TTC29: variants seen among roughly 807,000 people sequenced by gnomAD.
TTC29 encodes the protein tetratricopeptide repeat protein 29.
Under a neutral mutation model 58.1 loss-of-function variants are expected in TTC29, and 49 were observed. The ratio of observed to expected loss-of-function variants is 0.84; its 90% CI spans 0.67 to 1.07. TTC29 has a LOEUF of 1.07. Ranked by LOEUF, TTC29 falls within the 50% of genes least tolerant of loss-of-function variation. TTC29 has a pLI of 0.00. For synonymous variants in TTC29, 209 were observed against 196.8 expected, an observed-to-expected ratio of 1.06 and a Z score of -0.52; for missense variants, 582 against 555.6, an observed-to-expected ratio of 1.05 and a Z score of -0.48.
intron 10 of TTC29, among the ~76,000 whole-genome samples, chr4:146,804,589 T>A (rs796780556): frequency 2.6e-5 from 4 of 152,216 alleles, no homozygotes; most frequent in African/African-American, 9.6e-5. Context: ...GTAGGCAGTT[T>A]TCCCCTCACA....
chr4:146,728,786 TATATATACGTATATATACAC>T (rs1744023309), intron 11 of TTC29, among the ~76,000 whole-genome samples: 1 of 132,100 alleles, frequency 7.6e-6, no homozygotes, highest in Non-Finnish European at 1.6e-5. Context: ...TATATATGTG[TATATATACGTATATATACAC>T]ATATATATGT....
At chr4:146,726,649 G>T (rs1263265617) in intron 11 of TTC29, among the ~76,000 whole-genome samples, 1 of 152,058 alleles carries the variant, frequency 6.6e-6, no homozygotes, top group Non-Finnish European at 1.5e-5. Flanking sequence ...CAATGTTAAG[G>T]GGAATCTACT....
At position 146,812,752 on chromosome 4, in the gene TTC29, C is replaced by T. The variant is rs950331693; in HGVS notation, c.1101+7373G>A. On this transcript the variant is annotated intron_variant, in intron 10 of 12. Transcript: ENST00000325106. ...ATTTTAAGATGCAAACATTTGTATACGTACCATTTTAGAATGAGATTTTGC... is the reference window on the plus strand; with the variant it reads ...ATTTTAAGATGCAAACATTTGTATATGTACCATTTTAGAATGAGATTTTGC... 13 of 152,218 alleles carry T rather than the reference C, an allele frequency of 8.5e-5. No individual in the cohort carries two copies. The South Asian group carries it at 1.0e-3, about 12-fold the overall frequency. The allele number at this position is 152,218 out of a possible 1,614,324, so 9.4% of individuals were successfully genotyped here.
chr4:146,898,113 TG>T (rs1372363606), intron 6 of TTC29, among the ~76,000 whole-genome samples: 1 of 152,222 alleles, frequency 6.6e-6, no homozygotes, highest in African/African-American at 2.4e-5. Flanking sequence ...CATAGTGTCA[TG>T]ATCACTAAAG....
intron 9 of TTC29, among the ~76,000 whole-genome samples, chr4:146,831,226 G>A (rs1728135500): frequency 1.3e-5 from 2 of 151,928 alleles, no homozygotes; most frequent in Non-Finnish European, 2.9e-5. Context: ...TGAAATCACT[G>A]GTAGCTTTAT....
intron 8 of TTC29, among the ~76,000 whole-genome samples, chr4:146,838,273 T>C (rs139242072): frequency 6.6e-6 from 1 of 152,080 alleles, no homozygotes; most frequent in African/African-American, 2.4e-5. Flanking sequence ...AAAAGAACAA[T>C]GCTGGGGATA....
intron 11 of TTC29, among the ~76,000 whole-genome samples, chr4:146,784,951 G>A (rs1748898901): frequency 6.6e-6 from 1 of 151,922 alleles, no homozygotes; most frequent in Non-Finnish European, 1.5e-5. Context: ...TTTCTTGGTG[G>A]CTGGAGATCA....
At chr4:146,812,466 G>A (rs1193280634) in intron 10 of TTC29, among the ~76,000 whole-genome samples, 1 of 152,204 alleles carries the variant, frequency 6.6e-6, no homozygotes, top group African/African-American at 2.4e-5. Flanking sequence ...AGAAGGAGCA[G>A]TAAATGGAGT....
intron 7 of TTC29, among the ~76,000 whole-genome samples, chr4:146,868,910 G>GCT (rs1408390847): frequency 2.0e-5 from 3 of 151,908 alleles, no homozygotes; most frequent in Non-Finnish European, 4.4e-5. Flanking sequence ...TAACGAGTGA[G>GCT]CTCTTGCTCT....
chr4:146,894,959 C>T (rs1732667863), intron 6 of TTC29, among the ~76,000 whole-genome samples: 1 of 152,146 alleles, frequency 6.6e-6, no homozygotes, highest in South Asian at 2.1e-4. Flanking sequence ...GTATTAAGCT[C>T]AGCATCCATT....
At chr4:146,773,636 T>G (rs1469313391) in intron 11 of TTC29, among the ~76,000 whole-genome samples, 1 of 152,140 alleles carries the variant, frequency 6.6e-6, no homozygotes, top group Non-Finnish European at 1.5e-5. Flanking sequence ...GGGTTTGGTT[T>G]GCTGGTATTT....
At chr4:146,739,177 T>C (rs993129413) in intron 11 of TTC29, among the ~76,000 whole-genome samples, 2 of 152,210 alleles carry the variant, frequency 1.3e-5, no homozygotes, top group Non-Finnish European at 2.9e-5. Flanking sequence ...TATTATAGGA[T>C]GAAGACTATG....
chr4:146,870,887 T>C (rs1730884219), intron 7 of TTC29, among the ~76,000 whole-genome samples: 1 of 152,044 alleles, frequency 6.6e-6, no homozygotes, highest in South Asian at 2.1e-4. Context: ...CAGGCTCAGA[T>C]GATTTCACTG....
At chr4:146,850,889 AAT>A (rs1729473001) in intron 8 of TTC29, among the ~76,000 whole-genome samples, 1 of 152,242 alleles carries the variant, frequency 6.6e-6, no homozygotes, top group South Asian at 2.1e-4. Flanking sequence ...AGGGAAAATG[AAT>A]ATGTTTAATT....
chr4:146,807,685 C>T (rs931062117), intron 10 of TTC29, among the ~76,000 whole-genome samples: 1 of 152,044 alleles, frequency 6.6e-6, no homozygotes, highest in Non-Finnish European at 1.5e-5. Flanking sequence ...CAAGACTATA[C>T]CAGGAAGAAG....
intron 11 of TTC29, among the ~76,000 whole-genome samples, chr4:146,787,064 A>G (rs771382966): frequency 6.6e-6 from 1 of 152,150 alleles, no homozygotes; most frequent in Non-Finnish European, 1.5e-5. Context: ...ATTTAAAGTC[A>G]CAGAACTGAA....
intron 8 of TTC29, among the ~76,000 whole-genome samples, chr4:146,843,963 A>G (rs35154247): frequency 2.6e-5 from 4 of 152,208 alleles, no homozygotes; most frequent in African/African-American, 4.8e-5. Context: ...AGCTCAATTA[A>G]CAATACTATT....
chr4:146,887,883 C>G (rs1732093269), intron 6 of TTC29, among the ~76,000 whole-genome samples: 1 of 152,004 alleles, frequency 6.6e-6, no homozygotes, highest in African/African-American at 2.4e-5. Context: ...ACCCAAGCTA[C>G]TGTTCTTCAA....
At chr4:146,750,610 G>C (rs1322131453) in intron 11 of TTC29, among the ~76,000 whole-genome samples, 3 of 152,200 alleles carry the variant, frequency 2.0e-5, no homozygotes, top group African/African-American at 7.2e-5. Context: ...GAGGGTATAA[G>C]TCTAGAGGTT....
Sources: gnomAD v4.1 joint callset for allele counts (sites outside exome capture counted in the v4.1 genomes callset) on GRCh38, gnomAD v4.1.1 for gene constraint, MANE v1.5 for transcripts, NCBI Gene and HGNC (gene_info 2026-07-23, HGNC 2026-07-21) for gene names.